Variants in CARF observed in about 807,000 individuals in gnomAD.
CARF encodes calcium-responsive transcription factor.
In CARF, 57 loss-of-function variants were observed where a neutral mutation model predicts 82.0. The observed-to-expected ratio is 0.70, with a 90% CI of 0.56 to 0.87. The LOEUF (loss-of-function observed/expected upper bound fraction) is 0.87, where lower values mean the gene tolerates loss of function less well. Among genes scored for constraint, CARF ranks in the 40% least tolerant of loss-of-function variants. The pLI, the probability that CARF is intolerant of heterozygous loss-of-function variation, is 0.00. For synonymous variants in CARF, 268 were observed against 290.1 expected (o/e 0.92, Z 0.77); for missense variants, 771 against 855.8 (o/e 0.90, Z 1.24).
chr2:202,969,955 T>C lies in CARF; in HGVS notation c.990T>C (p.Tyr330=). ...YIKKVQKFPE[Y]RVPTDPKIDK... is the part of the protein sequence containing the mutation. The stretch of plus-strand genomic sequence containing the variant: ...AAAAGGTACAGAAGTTTCCTGAATA[T>C]AGAGTTCCTACAGACCCCAAAATTG... The change falls in exon 11 of 17, where the codon TAT becomes TAC. Residue 330 remains tyrosine (Y), a synonymous_variant. Transcript: ENST00000438828. The C allele has an allele frequency of 6.5e-7, 1 of 1,550,010 alleles. No homozygotes were observed. The highest frequency in any genetic ancestry group is 8.6e-7 in the Non-Finnish European group (1 of 1,156,570).
chr2:202,968,172 G>A (rs1250292544), intron 10 of CARF, among the ~76,000 whole-genome samples: 1 of 152,134 alleles, frequency 6.6e-6, no homozygotes, highest in Non-Finnish European at 1.5e-5. Flanking sequence ...GGGAGGCCGA[G>A]GTGGGCGGAT....
rs1221387613 is a variant in CARF, at chr2:202,918,048, T to A, written c.-163+5T>A. 2.3e-6 allele frequency: 1 copy of A among 440,864 alleles called. No homozygotes were observed. The highest frequency in any genetic ancestry group is 4.5e-6 in the Non-Finnish European group (1 of 220,392). 27.3% of individuals were successfully genotyped at this position (440,864 alleles called of 1,614,324 possible). A position where few individuals can be genotyped will look rare whatever the true frequency, so the allele number is the denominator to read the frequency against. On this transcript the variant is annotated splice_donor_5th_base_variant and intron_variant, in intron 2 of 16. Transcript: ENST00000438828. Reference sequence around the variant, plus strand: ...AACCTGAGCCACTATCTGAAGGTAATTTTTTTTAACTAATTGAAAGTAACA... The same window carrying A: ...AACCTGAGCCACTATCTGAAGGTAAATTTTTTTAACTAATTGAAAGTAACA...
intron 5 of CARF, 38 bp downstream of exon 5, chr2:202,943,005 T>G (rs762924613): frequency 3.0e-5 from 45 of 1,487,234 alleles, no homozygotes; most frequent in Non-Finnish European, 4.1e-5. Context: ...TTATGCCGTT[T>G]AGCAAAATGT....
intron 2 of CARF, among the ~76,000 whole-genome samples, chr2:202,923,579 C>G (rs1391256259): frequency 1.3e-5 from 2 of 152,088 alleles, no homozygotes; most frequent in Non-Finnish European, 2.9e-5. Flanking sequence ...AATGCAATTC[C>G]CATCAAAATA....
At position 202,942,733 on chromosome 2, in the gene CARF, A is replaced by G. The variant is rs935883967; in HGVS notation, c.79-7A>G. The G allele has an allele frequency of 1.0e-5, 16 of 1,556,516 alleles. No individual in the cohort carries two copies. The African/African-American group carries it at 1.7e-4, about 16-fold the overall frequency. On this transcript the variant is annotated splice_region_variant and splice_polypyrimidine_tract_variant and intron_variant, in intron 4 of 16. Coordinates refer to ENST00000438828, the MANE Select transcript of CARF (RefSeq NM_024744.17). Reference sequence around the variant, plus strand: ...GACTGAAGTGATTTTTTTTTTCCTTACAAAAGCATCTAATCTGTATGGACT... The same window carrying G: ...GACTGAAGTGATTTTTTTTTTCCTTGCAAAAGCATCTAATCTGTATGGACT...
rs1559298637 is a variant in CARF, at chr2:202,986,869, T to TATATAC, written c.*3250_*3251insCATATA. 5 of 16,608 alleles carry TATATAC rather than the reference T, an allele frequency of 3.0e-4. No individual in the cohort carries two copies. Among genetic ancestry groups the TATATAC allele is most frequent in the Non-Finnish European group, 6.2e-4 (5 of 8,126 alleles). 1.0% of individuals were successfully genotyped at this position (16,608 alleles called of 1,614,324 possible). A position where few individuals can be genotyped will look rare whatever the true frequency, so the allele number is the denominator to read the frequency against. On this transcript the variant is annotated 3_prime_UTR_variant, in exon 17 of 17. Coordinates refer to ENST00000438828, the MANE Select transcript of CARF (RefSeq NM_024744.17). ...AAGAGGTTTAAAAAATGTCTGTGCG[T>TATATAC]ATATATATATATATATATATATATA...
At chr2:202,958,494 CG>C (rs2059155948) in intron 8 of CARF, among the ~76,000 whole-genome samples, 1 of 152,078 alleles carries the variant, frequency 6.6e-6, no homozygotes, top group African/African-American at 2.4e-5. Context: ...CTAAAATCAT[CG>C]TATATCTTGT....
At chr2:202,971,200 T>C (rs1203676281) in intron 11 of CARF, among the ~76,000 whole-genome samples, 1 of 152,168 alleles carries the variant, frequency 6.6e-6, no homozygotes, top group African/African-American at 2.4e-5. Flanking sequence ...ATATGAAATT[T>C]AAAATGCCAT....
Position 202,986,242 on chromosome 2 carries a change from G to T in CARF, c.*2618G>T, listed in dbSNP as rs1312106843. ...TTTAGTCACAATGTATCAGTATTGT[G>T]TTTAAAGGTGCTCAGCATCACTTTT... On this transcript the variant is annotated 3_prime_UTR_variant, in exon 17 of 17. Transcript: ENST00000438828. 6.6e-6 allele frequency: 1 copy of T among 152,020 alleles called. No individual in the cohort carries two copies. The highest frequency in any genetic ancestry group is 2.4e-5 in the African/African-American group (1 of 41,418). 9.4% of individuals were successfully genotyped at this position (152,020 alleles called of 1,614,324 possible).
chr2:202,950,070 A>G (rs2105836772), intron 5 of CARF, among the ~76,000 whole-genome samples: 1 of 152,346 alleles, frequency 6.6e-6, no homozygotes, highest in South Asian at 2.1e-4. Context: ...GACTCTTCAA[A>G]ACCATGTTTG....
chr2:202,916,305 C>T (rs1332501302), intron 1 of CARF, among the ~76,000 whole-genome samples: 2 of 152,026 alleles, frequency 1.3e-5, no homozygotes, highest in Non-Finnish European at 2.9e-5. Context: ...CTCAACCTCC[C>T]CAGTAGCTAG....
At position 202,988,029 on chromosome 2, in the gene CARF, G is replaced by T. The variant is rs1215972840; in HGVS notation, c.*4405G>T. Among the ~76,000 whole-genome samples, 1 of 152,044 alleles carries T rather than the reference G, an allele frequency of 6.6e-6. No individual in the cohort carries two copies. The highest frequency in any genetic ancestry group is 1.5e-5 in the Non-Finnish European group (1 of 67,986). ...CAGACCACTGATCTGCTTTCTTTAT[G>T]ATCAGTTTGCTACAAATGAAATCAC... On this transcript the variant is annotated 3_prime_UTR_variant, in exon 17 of 17. Transcript: ENST00000438828.
At position 202,913,007 on chromosome 2, in the gene CARF, A is replaced by C. The variant is rs907018730; in HGVS notation, c.-425A>C. ...TGAGGGAGGATGGATGGAGATAACT[A>C]TCCTGATCCCAATGTCACTTTTTAA... On this transcript the variant is annotated 5_prime_UTR_variant, in exon 1 of 17. Transcript: ENST00000438828. The C allele has an allele frequency of 6.6e-6, 1 of 152,210 alleles. No individual in the cohort carries two copies. Among genetic ancestry groups the C allele is most frequent in the African/African-American group, 2.4e-5 (1 of 41,444 alleles). 9.4% of individuals were successfully genotyped at this position (152,210 alleles called of 1,614,324 possible).
At chr2:202,974,597 C>T in intron 13 of CARF, 101 bp downstream of exon 13, 1 of 1,113,956 alleles carries the variant, frequency 9.0e-7, no homozygotes, top group Non-Finnish European at 1.3e-6. Flanking sequence ...TGAATAACTG[C>T]AATATAAGCA....
At chr2:202,955,327 A>G (rs972764857) in intron 7 of CARF, among the ~76,000 whole-genome samples, 1 of 152,202 alleles carries the variant, frequency 6.6e-6, no homozygotes, top group African/African-American at 2.4e-5. Context: ...AGTGACACAT[A>G]ATGTTACTTC....
In CARF at chr2:202,986,229, G is replaced by A. The variant is rs779637556; in HGVS notation, c.*2605G>A. On this transcript the variant is annotated 3_prime_UTR_variant, in exon 17 of 17. Coordinates refer to ENST00000438828, the MANE Select transcript of CARF (RefSeq NM_024744.17). ...ATCTAAATGCATGTTTAGTCACAAT[G>A]TATCAGTATTGTGTTTAAAGGTGCT... 1 of 152,078 alleles carries A rather than the reference G, an allele frequency of 6.6e-6. No individual in the cohort carries two copies. The highest frequency in any genetic ancestry group is 2.4e-5 in the African/African-American group (1 of 41,428). 9.4% of individuals were successfully genotyped at this position (152,078 alleles called of 1,614,324 possible). A position where few individuals can be genotyped will look rare whatever the true frequency, so the allele number is the denominator to read the frequency against.
chr2:202,941,893 T>C lies in CARF; in HGVS notation c.-10T>C. On this transcript the variant is annotated 5_prime_UTR_variant, in exon 4 of 17. The change abolishes an upstream ATG in the 5' untranslated region. Coordinates refer to ENST00000438828, the MANE Select transcript of CARF (RefSeq NM_024744.17). ...TAATAGAAGAAAATGGAATTGAATA[T>C]GATGTCAGCATGGAACAATCTAATG... 1 of 1,606,572 alleles carries C rather than the reference T, an allele frequency of 6.2e-7. No homozygotes were observed. Among genetic ancestry groups the C allele is most frequent in the Non-Finnish European group, 8.5e-7 (1 of 1,174,126 alleles).
chr2:202,970,624 G>A (rs184552259), intron 11 of CARF, among the ~76,000 whole-genome samples: 149 of 152,000 alleles, frequency 9.8e-4, no homozygotes, highest in Non-Finnish European at 1.5e-3. Context: ...ATGGAATATC[G>A]TTTTCGTGTG....
At position 202,966,918 on chromosome 2, in the gene CARF, T is replaced by C. The variant is rs75233303; in HGVS notation, c.833-60T>C. On this transcript the variant is annotated intron_variant, in intron 9 of 16. Coordinates refer to ENST00000438828, the MANE Select transcript of CARF (RefSeq NM_024744.17). The stretch of plus-strand genomic sequence containing the variant: ...ATTGCCACCACCAAGTTACTTTTAA[T>C]CTAGTGTCTAGAATAGATGGACACT... 5,359 of 1,520,574 alleles carry C rather than the reference T, an allele frequency of 3.5e-3. 182 individuals are homozygous for C. In the African/African-American group the frequency reaches 0.068, roughly 19 times the overall value. 94.2% of individuals were successfully genotyped at this position (1,520,574 alleles called of 1,614,324 possible).
Sources: allele counts gnomAD v4.1 joint callset (sites outside exome capture counted in the v4.1 genomes callset), GRCh38; gene constraint gnomAD v4.1.1; transcripts MANE v1.5; gene names NCBI Gene and HGNC (gene_info 2026-07-23, HGNC 2026-07-21).